Variants in GALNT17 observed in about 807,000 individuals in gnomAD.
The protein encoded by GALNT17 is polypeptide N-acetylgalactosaminyltransferase 17.
GALNT17 carries 29 observed loss-of-function variants against 63.7 expected under a neutral mutation model. That is an observed-to-expected ratio of 0.46 (90% CI 0.34 to 0.62). The LOEUF (loss-of-function observed/expected upper bound fraction) is 0.62. Ranked by LOEUF, GALNT17 falls within the 20% of genes least tolerant of loss-of-function variation. GALNT17 has a pLI of 0.01. For synonymous variants in GALNT17, 305 were observed against 318.3 expected (o/e 0.96, Z 0.45); for missense variants, 603 against 799.6 (o/e 0.75, Z 2.97).
intron 1 of GALNT17, among the ~76,000 whole-genome samples, chr7:71,331,287 C>T (rs575603744): frequency 1.4e-4 from 21 of 152,074 alleles, no homozygotes; most frequent in Non-Finnish European, 2.2e-4. Flanking sequence ...GATCACTGAC[C>T]GCTGCCTTAA....
chr7:71,575,414 G>C (rs1426939246), intron 6 of GALNT17, among the ~76,000 whole-genome samples: 1 of 146,736 alleles, frequency 6.8e-6, no homozygotes, highest in East Asian at 2.0e-4. Context: ...TTTTGAGACA[G>C]AGTCTCGCTC....
intron 5 of GALNT17, among the ~76,000 whole-genome samples, chr7:71,494,937 T>C (rs1002594735): frequency 6.6e-6 from 1 of 152,160 alleles, no homozygotes; most frequent in Admixed American, 6.5e-5. Flanking sequence ...TGGAGGCAAC[T>C]GCCCCCATGA....
chr7:71,550,541 C>A (rs1281186766), intron 5 of GALNT17, among the ~76,000 whole-genome samples: 1 of 152,064 alleles, frequency 6.6e-6, no homozygotes, highest in Non-Finnish European at 1.5e-5. Flanking sequence ...CCACTATGCC[C>A]AGCTAATTTT....
At chr7:71,616,695 A>T (rs1472554123) in intron 6 of GALNT17, among the ~76,000 whole-genome samples, 3 of 43,864 alleles carry the variant, frequency 6.8e-5, no homozygotes, top group Non-Finnish European at 1.6e-4. Context: ...ATAATATATA[A>T]TATATTGTGA....
At chr7:71,392,421 A>G (rs977854199) in intron 3 of GALNT17, among the ~76,000 whole-genome samples, 1 of 152,170 alleles carries the variant, frequency 6.6e-6, no homozygotes, top group Admixed American at 6.5e-5. Context: ...ATACACCTTT[A>G]GCAGCAAATG....
intron 10 of GALNT17, 112 bp downstream of exon 10, chr7:71,711,040 A>C (rs1172165581): frequency 7.2e-7 from 1 of 1,396,198 alleles, no homozygotes; most frequent in Non-Finnish European, 9.5e-7. Context: ...CCCCGAACCC[A>C]GGTCTCCCTG....
chr7:71,167,080 T>C (rs904299308), intron 1 of GALNT17, among the ~76,000 whole-genome samples: 17 of 131,856 alleles, frequency 1.3e-4, no homozygotes, highest in Admixed American at 1.2e-3. Context: ...AGAGACAGGG[T>C]CTCTCTGTGT....
chr7:71,642,270 T>G lies in GALNT17; in HGVS notation c.1081-23141T>G, dbSNP rs76771427. Among the ~76,000 whole-genome samples, 1,117 of 152,148 alleles carry G rather than the reference T, an allele frequency of 7.3e-3. 14 individuals are homozygous for G. The highest frequency in any genetic ancestry group is 0.02 in the Middle Eastern group (6 of 294). ...ACACCTAAAACACACTGGGGAGATG[T>G]GGACACTCAGCCCATTGCAGGCTTG... is the stretch of plus-strand genomic sequence containing the variant. On this transcript the variant is annotated intron_variant, in intron 6 of 10. Coordinates refer to ENST00000333538, the MANE Select transcript of GALNT17 (RefSeq NM_022479.3).
At chr7:71,452,562 A>G (rs547526766) in intron 5 of GALNT17, among the ~76,000 whole-genome samples, 8 of 152,342 alleles carry the variant, frequency 5.3e-5, no homozygotes, top group African/African-American at 1.7e-4. Flanking sequence ...ATTTAAAAAT[A>G]AAAAAGGATT....
chr7:71,192,169 A>G (rs1463694097), intron 1 of GALNT17, among the ~76,000 whole-genome samples: 2 of 152,046 alleles, frequency 1.3e-5, no homozygotes, highest in African/African-American at 2.4e-5. Context: ...TCAGCAAGTC[A>G]GCCTCTCCCA....
intron 3 of GALNT17, among the ~76,000 whole-genome samples, chr7:71,409,440 G>A (rs1793392505): frequency 6.6e-6 from 1 of 152,142 alleles, no homozygotes; most frequent in Admixed American, 6.5e-5. Flanking sequence ...AAAGGTAGAG[G>A]AACACTCACT....
intron 1 of GALNT17, among the ~76,000 whole-genome samples, chr7:71,197,320 C>T (rs1789071809): frequency 6.6e-6 from 1 of 151,094 alleles, no homozygotes; most frequent in South Asian, 2.1e-4. Flanking sequence ...CTGCCACAGC[C>T]TCCTGAGTAG....
intron 1 of GALNT17, among the ~76,000 whole-genome samples, chr7:71,331,313 A>G (rs1437736497): frequency 1.3e-5 from 2 of 152,182 alleles, no homozygotes; most frequent in Admixed American, 6.5e-5. Context: ...GCTTCCTGCC[A>G]TCTCTCGCAC....
chr7:71,530,790 G>A (rs138174552), intron 5 of GALNT17, among the ~76,000 whole-genome samples: 9,608 of 151,936 alleles, frequency 0.063, 1,000 homozygotes, highest in African/African-American at 0.22. Context: ...GGATGGTCTC[G>A]ATCTCCTGAC....
At chr7:71,456,805 A>T (rs572070508) in intron 5 of GALNT17, among the ~76,000 whole-genome samples, 2 of 152,336 alleles carry the variant, frequency 1.3e-5, no homozygotes, top group South Asian at 4.1e-4. Context: ...ACACAGGCTC[A>T]GGAGGTCCTG....
chr7:71,132,656 C>A lies in GALNT17; in HGVS notation c.-147C>A. ...TCCGACCTCCCAGCCGTCTCCGCCGCCCGAGCATCCTTGAGGTGGGACGAG... is the reference window on the plus strand; with the variant it reads ...TCCGACCTCCCAGCCGTCTCCGCCGACCGAGCATCCTTGAGGTGGGACGAG... On this transcript the variant is annotated 5_prime_UTR_variant, in exon 1 of 11. Coordinates refer to ENST00000333538, the MANE Select transcript of GALNT17 (RefSeq NM_022479.3). 1.5e-6 allele frequency: 1 copy of A among 655,344 alleles called. No homozygotes were observed. Among genetic ancestry groups the A allele is most frequent in the Non-Finnish European group, 2.5e-6 (1 of 395,936 alleles). The allele number at this position is 655,344 out of a possible 1,614,324, so 40.6% of individuals were successfully genotyped here.
At chr7:71,463,863 T>G (rs1007164450) in intron 5 of GALNT17, among the ~76,000 whole-genome samples, 3 of 152,162 alleles carry the variant, frequency 2.0e-5, no homozygotes, top group African/African-American at 7.2e-5. Context: ...ATCTTGGTTT[T>G]GGTGGGATTT....
At chr7:71,244,417 C>A (rs188248747) in intron 1 of GALNT17, among the ~76,000 whole-genome samples, 1 of 152,094 alleles carries the variant, frequency 6.6e-6, no homozygotes, top group Non-Finnish European at 1.5e-5. Context: ...GAGAAGAGAG[C>A]CTGATGGTCA....
intron 5 of GALNT17, among the ~76,000 whole-genome samples, chr7:71,552,018 ATTTATTTATTTATTTAT>A (rs1316276380): frequency 8.6e-5 from 5 of 58,102 alleles, no homozygotes; most frequent in East Asian, 6.6e-4. Flanking sequence ...CTTTTTATTT[ATTTATTTATTTATTTAT>A]TTATTTATTT....
Sources: gnomAD v4.1 joint callset for allele counts (sites outside exome capture counted in the v4.1 genomes callset) on GRCh38, gnomAD v4.1.1 for gene constraint, MANE v1.5 for transcripts, NCBI Gene and HGNC (gene_info 2026-07-23, HGNC 2026-07-21) for gene names.